Variants in CNTNAP2 observed in about 807,000 individuals in gnomAD.
CNTNAP2 encodes contactin-associated protein-like 2.
A neutral mutation model predicts 155.2 loss-of-function variants in CNTNAP2; 98 were observed. The observed-to-expected ratio is 0.63, with a 90% CI of 0.54 to 0.75. CNTNAP2 has a LOEUF of 0.75. Ranked by LOEUF, CNTNAP2 falls within the 30% of genes least tolerant of loss-of-function variation. The probability of loss-of-function intolerance (pLI) is 0.00; values close to 1 mark genes in which losing one functional copy is unlikely to be tolerated. For missense variants in CNTNAP2, 1,727 were observed against 1,688.1 expected (o/e 1.02, Z -0.40); for synonymous variants, 651 against 631.2 (o/e 1.03, Z -0.47).
chr7:146,544,485 A>G (rs1428323187), intron 1 of CNTNAP2, among the ~76,000 whole-genome samples: 1 of 151,970 alleles, frequency 6.6e-6, no homozygotes, highest in African/African-American at 2.4e-5. Context: ...ATGAATGATA[A>G]CACTATTTTG....
At chr7:147,290,732 C>G (rs985950153) in intron 8 of CNTNAP2, among the ~76,000 whole-genome samples, 4 of 148,776 alleles carry the variant, frequency 2.7e-5, no homozygotes, top group Non-Finnish European at 5.9e-5. Flanking sequence ...TGAAAAGAGG[C>G]ACTGGATATA....
chr7:146,456,078 T>C (rs1397903406), intron 1 of CNTNAP2, among the ~76,000 whole-genome samples: 1 of 152,172 alleles, frequency 6.6e-6, no homozygotes, highest in Non-Finnish European at 1.5e-5. Context: ...GAAATGTTTA[T>C]GTTTCAATAT....
At chr7:148,372,075 G>T (rs777744265) in intron 21 of CNTNAP2, among the ~76,000 whole-genome samples, 14 of 151,956 alleles carry the variant, frequency 9.2e-5, no homozygotes, top group Non-Finnish European at 1.8e-4. Context: ...GGTGGTGTGT[G>T]CCTGTAGTCC....
At chr7:146,319,308 A>G (rs2129092111) in intron 1 of CNTNAP2, among the ~76,000 whole-genome samples, 2 of 152,304 alleles carry the variant, frequency 1.3e-5, no homozygotes, top group African/African-American at 4.8e-5. Context: ...CAATAAAAAT[A>G]CTTTAAAAAA....
intron 1 of CNTNAP2, among the ~76,000 whole-genome samples, chr7:146,471,277 A>G (rs1158734404): frequency 1.3e-5 from 2 of 152,220 alleles, no homozygotes; most frequent in Non-Finnish European, 2.9e-5. Context: ...CACATCCTGC[A>G]ACATAGAAGT....
At chr7:148,276,472 G>A (rs1260179234) in intron 21 of CNTNAP2, among the ~76,000 whole-genome samples, 3 of 152,158 alleles carry the variant, frequency 2.0e-5, no homozygotes, top group Non-Finnish European at 4.4e-5. Flanking sequence ...CAGTGATGAG[G>A]GCTGCTTCCT....
intron 1 of CNTNAP2, among the ~76,000 whole-genome samples, chr7:146,504,116 C>G (rs1045914442): frequency 3.9e-5 from 6 of 152,244 alleles, no homozygotes; most frequent in Admixed American, 3.3e-4. Context: ...TCTGCCTCAG[C>G]CTTCTCCTGA....
intron 1 of CNTNAP2, among the ~76,000 whole-genome samples, chr7:146,648,261 A>T (rs941303589): frequency 6.6e-6 from 1 of 152,160 alleles, no homozygotes; most frequent in Non-Finnish European, 1.5e-5. Context: ...TTATGCCTTT[A>T]CATTTCTATT....
chr7:147,997,582 A>G (rs1416496006), intron 15 of CNTNAP2, among the ~76,000 whole-genome samples: 1 of 152,050 alleles, frequency 6.6e-6, no homozygotes, highest in Non-Finnish European at 1.5e-5. Context: ...AATTTAAACA[A>G]GAGACGCACA....
At chr7:148,082,164 G>A (rs2116549364) in intron 15 of CNTNAP2, among the ~76,000 whole-genome samples, 1 of 152,180 alleles carries the variant, frequency 6.6e-6, no homozygotes, top group South Asian at 2.1e-4. Flanking sequence ...ATGAATGAAT[G>A]GAAGAGATAT....
chr7:148,215,061 G>C (rs946538423), intron 18 of CNTNAP2, among the ~76,000 whole-genome samples: 11 of 152,210 alleles, frequency 7.2e-5, no homozygotes, highest in Non-Finnish European at 1.6e-4. Context: ...AAAAGCTATA[G>C]TTAAGTCTTT....
chr7:148,078,268 TG>T (rs776651360), intron 15 of CNTNAP2, among the ~76,000 whole-genome samples: 8 of 152,142 alleles, frequency 5.3e-5, no homozygotes, highest in Non-Finnish European at 7.3e-5. Flanking sequence ...TTTGCCATGT[TG>T]GCCAGGCTTG....
rs115079683 is a variant in CNTNAP2 at position 148,331,881 on chromosome 7, C to T, written c.3476-51768C>T. Among the ~76,000 whole-genome samples, 375 of 147,814 alleles carry T rather than the reference C, an allele frequency of 2.5e-3. 3 individuals carry two copies. The highest frequency in any genetic ancestry group is 8.9e-3 in the African/African-American group (362 of 40,582). On this transcript the variant is annotated intron_variant, in intron 21 of 23. Transcript: ENST00000361727. Reference sequence around the variant, plus strand: ...CTACACACTGCCCTGCACATGATCACGTTCGGTAAGTTGTGTGAGAGGGCA... The same window carrying T: ...CTACACACTGCCCTGCACATGATCATGTTCGGTAAGTTGTGTGAGAGGGCA...
intron 4 of CNTNAP2, chr7:147,082,222 G>A (rs1255218742): frequency 6.6e-6 from 1 of 152,154 alleles, no homozygotes; most frequent in African/African-American, 2.4e-5. Flanking sequence ...ACGAAGAAAG[G>A]AAAAAGAAAC....
chr7:146,166,828 G>A (rs1179116630), intron 1 of CNTNAP2, among the ~76,000 whole-genome samples: 2 of 152,300 alleles, frequency 1.3e-5, no homozygotes, highest in African/African-American at 2.4e-5. Flanking sequence ...AAGATAGCGG[G>A]AAATAATGCT....
intron 1 of CNTNAP2, among the ~76,000 whole-genome samples, chr7:146,392,325 A>C (rs1251542968): frequency 6.6e-6 from 1 of 152,202 alleles, no homozygotes. Context: ...AATATCATTG[A>C]GAAGTATCAG....
At chr7:146,573,250 C>A (rs912179432) in intron 1 of CNTNAP2, among the ~76,000 whole-genome samples, 2 of 152,102 alleles carry the variant, frequency 1.3e-5, no homozygotes, top group Non-Finnish European at 2.9e-5. Context: ...TCAAGTGATT[C>A]TCCTGCCTCA....
intron 1 of CNTNAP2, among the ~76,000 whole-genome samples, chr7:146,657,484 A>G (rs1233178730): frequency 1.3e-5 from 2 of 152,082 alleles, no homozygotes; most frequent in Non-Finnish European, 2.9e-5. Flanking sequence ...TCAAAAAACA[A>G]GTTTTCTGAG....
intron 12 of CNTNAP2, among the ~76,000 whole-genome samples, chr7:147,629,386 A>G (rs1795043246): frequency 6.8e-6 from 1 of 148,088 alleles, no homozygotes; most frequent in South Asian, 2.2e-4. Context: ...CTGGGCAACA[A>G]GAGCAAAACT....
Sources: gnomAD v4.1 joint callset for allele counts (sites outside exome capture counted in the v4.1 genomes callset) on GRCh38, gnomAD v4.1.1 for gene constraint, MANE v1.5 for transcripts, NCBI Gene and HGNC (gene_info 2026-07-23, HGNC 2026-07-21) for gene names.